Variants in HSF5 observed in about 807,000 individuals in gnomAD.
HSF5 encodes heat shock transcription factor 5.
HSF5 carries 5 observed loss-of-function variants against 50.8 expected under a neutral mutation model. The ratio of observed to expected loss-of-function variants is 0.10; its 90% CI spans 0.05 to 0.21. HSF5 has a LOEUF of 0.21. Ranked by LOEUF, HSF5 falls within the 10% of genes least tolerant of loss-of-function variation. The pLI is 1.00. For synonymous variants in HSF5, 307 were observed against 307.4 expected, an observed-to-expected ratio of 1.00 and a Z score of 0.02; for missense variants, 564 against 762.6, an observed-to-expected ratio of 0.74 and a Z score of 3.07.
Position 58,487,713 on chromosome 17 carries a change from G to A in HSF5, c.550+12C>T. 2 of 1,391,778 alleles carry A rather than the reference G, an allele frequency of 1.4e-6. No homozygotes were observed. The highest frequency in any genetic ancestry group is 1.8e-6 in the Non-Finnish European group (2 of 1,083,744). 86.2% of individuals were successfully genotyped at this position (1,391,778 alleles called of 1,614,324 possible). Reference sequence around the variant, plus strand: ...CCCACTGTGGGCGAGGGCACGGGCAGTCCGGACTCACCGTGCGGCTCGGGC... The same window carrying A: ...CCCACTGTGGGCGAGGGCACGGGCAATCCGGACTCACCGTGCGGCTCGGGC... On this transcript the variant is annotated intron_variant, in intron 1 of 5. Coordinates refer to ENST00000323777, the MANE Select transcript of HSF5 (RefSeq NM_001080439.3).
chr17:58,487,983 C>G lies in HSF5; in HGVS notation c.292G>C (p.Gly98Arg), dbSNP rs1258899158. 3 of 1,610,920 alleles carry G rather than the reference C, an allele frequency of 1.9e-6. No individual in the cohort carries two copies. The highest frequency in any genetic ancestry group is 3.3e-5 in the Admixed American group (2 of 59,896). ...GFRKVVLGGP[G>R]GGKPAGNGPL... The stretch of plus-strand genomic sequence containing the variant: ...CCATTGCCTGCCGGTTTGCCGCCCC[C>G]CGGCCCGCCCAGCACCACCTTGCGG... Residue 98 changes from glycine (G) to arginine (R), a missense_variant, in exon 1 of 6, where the codon GGG becomes CGG. Transcript: ENST00000323777.
At position 58,462,830 on chromosome 17, in the gene HSF5, T is replaced by C; in HGVS notation, c.1494A>G (p.Pro498=). ...CTTCCTGCACAAATACTACTGAAGA[T>C]GGAGATGGATTATGATTTAGGTGCT... ...LKEHLNHNPS[P]SSVVFVQEGP... Residue 498 remains proline, a synonymous_variant, in exon 4 of 6, where the codon CCA becomes CCG. Transcript: ENST00000323777. 1 of 1,613,416 alleles carries C rather than the reference T, an allele frequency of 6.2e-7. No homozygotes were observed.
chr17:58,439,091 C>T (rs149024092), intron 5 of HSF5, among the ~76,000 whole-genome samples: 6 of 151,428 alleles, frequency 4.0e-5, no homozygotes, highest in East Asian at 3.9e-4. Flanking sequence ...GAGCTATGAT[C>T]GTGCCAGACT....
Position 58,466,834 on chromosome 17 carries a change from A to G in HSF5, c.1020+51T>C, listed in dbSNP as rs749859697. 4 of 1,134,932 alleles carry G rather than the reference A, an allele frequency of 3.5e-6. No individual in the cohort carries two copies. In the Admixed American group the frequency reaches 6.8e-5, roughly 19 times the overall value. The allele number at this position is 1,134,932 out of a possible 1,614,324, so 70.3% of individuals were successfully genotyped here. A position where few individuals can be genotyped will look rare whatever the true frequency, so the allele number is the denominator to read the frequency against. ...TACACTTTGAAATTTTGCAATATCGATAAAATTGCACATAAAGCGCGGAGC... is the reference window on the plus strand; with the variant it reads ...TACACTTTGAAATTTTGCAATATCGGTAAAATTGCACATAAAGCGCGGAGC... On this transcript the variant is annotated intron_variant, in intron 3 of 5. Transcript: ENST00000323777.
intron 5 of HSF5, among the ~76,000 whole-genome samples, chr17:58,425,591 A>C (rs899275509): frequency 3.3e-5 from 5 of 150,648 alleles, no homozygotes; most frequent in African/African-American, 1.2e-4. Flanking sequence ...AAAAAAAAAA[A>C]AAAAAAAAAA....
At chr17:58,480,805 A>ATCTATCTATCTG (rs1555644442) in intron 1 of HSF5, among the ~76,000 whole-genome samples, 15 of 151,592 alleles carry the variant, frequency 9.9e-5, no homozygotes, top group Non-Finnish European at 1.8e-4. Flanking sequence ...CTATCTATCT[A>ATCTATCTATCTG]GCAACCGGGT....
chr17:58,484,004 T>C (rs375279339), intron 1 of HSF5, among the ~76,000 whole-genome samples: 23 of 152,292 alleles, frequency 1.5e-4, no homozygotes, highest in African/African-American at 5.1e-4. Flanking sequence ...AGCCAAGGAC[T>C]TAGAACATGG....
At chr17:58,471,621 C>CCT (rs1974944487) in intron 2 of HSF5, among the ~76,000 whole-genome samples, 4 of 144,680 alleles carry the variant, frequency 2.8e-5, no homozygotes. Flanking sequence ...CCTTTTCTTT[C>CCT]TTTTTTTTTT....
chr17:58,465,701 T>A (rs181655979), intron 3 of HSF5, among the ~76,000 whole-genome samples: 1 of 151,824 alleles, frequency 6.6e-6, no homozygotes, highest in East Asian at 1.9e-4. Flanking sequence ...ACTGAGACTA[T>A]CTTGAAACTA....
chr17:58,429,689 A>G (rs1319713782), intron 5 of HSF5, among the ~76,000 whole-genome samples: 1 of 149,686 alleles, frequency 6.7e-6, no homozygotes, highest in Non-Finnish European at 1.5e-5. Context: ...TCTACTAAAA[A>G]TACAAAATCA....
At chr17:58,486,635 A>G (rs967026683) in intron 1 of HSF5, among the ~76,000 whole-genome samples, 1 of 152,240 alleles carries the variant, frequency 6.6e-6, no homozygotes, top group African/African-American at 2.4e-5. Context: ...CAATGAAAGA[A>G]ATGTGTAGCC....
intron 3 of HSF5, among the ~76,000 whole-genome samples, chr17:58,464,170 C>G (rs1224840434): frequency 6.6e-6 from 1 of 152,214 alleles, no homozygotes; most frequent in African/African-American, 2.4e-5. Flanking sequence ...CAAAGATTTT[C>G]AGAAGGCCAC....
chr17:58,466,943 G>A lies in HSF5; in HGVS notation c.962C>T (p.Ala321Val). The part of the protein sequence containing the change: ...LQCCSPTHMD[A>V]LSSCVTPTAS... The stretch of plus-strand genomic sequence containing the variant: ...AGTGGGAGTGACACAACTACTTAGA[G>A]CATCCATGTGGGTAGGAGAACAGCA... Residue 321 changes from alanine to valine, a missense_variant, in exon 3 of 6, where the codon GCT becomes GTT. By Grantham distance (64) the Ala-to-Val change is moderately conservative. Coordinates refer to ENST00000323777, the MANE Select transcript of HSF5 (RefSeq NM_001080439.3). 1 of 1,611,802 alleles carries A rather than the reference G, an allele frequency of 6.2e-7. No homozygotes were observed. The highest frequency in any genetic ancestry group is 8.5e-7 in the Non-Finnish European group (1 of 1,177,948).
At chr17:58,474,983 G>C (rs1974992648) in intron 2 of HSF5, among the ~76,000 whole-genome samples, 2 of 151,992 alleles carry the variant, frequency 1.3e-5, no homozygotes, top group African/African-American at 2.4e-5. Flanking sequence ...ATGTAACATG[G>C]TAAAAAAAAT....
rs1974817041 is a variant in HSF5, at chr17:58,463,166, A to C, written c.1158T>G (p.Pro386=). 6.2e-7 allele frequency: 1 copy of C among 1,614,090 alleles called. No individual in the cohort carries two copies. The highest frequency in any genetic ancestry group is 1.3e-5 in the African/African-American group (1 of 74,920). ...GCTCCACCTTTACCATCTCCAATTT[A>C]GGGGAGGAATGCAACTCATCAACTA... ...FQIVDELHSS[P]KLEMVKVEPV... Residue 386 remains proline (P), a synonymous_variant, in exon 4 of 6, where the codon CCT becomes CCG. Transcript: ENST00000323777.
chr17:58,468,924 G>A (rs1974909046), intron 2 of HSF5, among the ~76,000 whole-genome samples: 2 of 152,084 alleles, frequency 1.3e-5, no homozygotes, highest in South Asian at 4.2e-4. Flanking sequence ...CAGGTTAGCT[G>A]AACAGTTCTT....
rs566135522 is a variant in HSF5 at position 58,420,708 on chromosome 17, T to G, written c.*1652A>C. On this transcript the variant is annotated 3_prime_UTR_variant, in exon 6 of 6. Coordinates refer to ENST00000323777, the MANE Select transcript of HSF5 (RefSeq NM_001080439.3). ...AAAAGATATAGGTGTCTTGATAATT[T>G]GCTCTTTTAAACCTTGCTAATAAAG... The G allele has an allele frequency of 3.3e-5, 5 of 152,238 alleles. No individual in the cohort carries two copies. The highest frequency in any genetic ancestry group is 3.3e-4 in the Admixed American group (5 of 15,286). 9.4% of individuals were successfully genotyped at this position (152,238 alleles called of 1,614,324 possible). A position where few individuals can be genotyped will look rare whatever the true frequency, so the allele number is the denominator to read the frequency against.
At chr17:58,447,215 C>A (rs1259104483) in intron 5 of HSF5, among the ~76,000 whole-genome samples, 1 of 152,196 alleles carries the variant, frequency 6.6e-6, no homozygotes, top group Non-Finnish European at 1.5e-5. Flanking sequence ...GGCAGAACAC[C>A]AAAGCCCCTG....
chr17:58,421,723 G>T lies in HSF5; in HGVS notation c.*637C>A, dbSNP rs1253809581. The stretch of plus-strand genomic sequence containing the variant: ...GAAGAATGCTTCCATTAATATAAAA[G>T]AATCAGGGGCTGTTAAGTGTGATAG... On this transcript the variant is annotated 3_prime_UTR_variant, in exon 6 of 6. Transcript: ENST00000323777. 1 of 152,438 alleles carries T rather than the reference G, an allele frequency of 6.6e-6. No individual in the cohort carries two copies. Among genetic ancestry groups the T allele is most frequent in the Non-Finnish European group, 1.5e-5 (1 of 68,012 alleles). 9.4% of individuals were successfully genotyped at this position (152,438 alleles called of 1,614,324 possible).
Sources: allele counts gnomAD v4.1 joint callset (sites outside exome capture counted in the v4.1 genomes callset), GRCh38; gene constraint gnomAD v4.1.1; transcripts MANE v1.5; gene names NCBI Gene and HGNC (gene_info 2026-07-23, HGNC 2026-07-21).